The following DPP6 variants were observed in gnomAD, a reference collection of about 807,000 sequenced individuals.
The protein encoded by DPP6 is dipeptidyl peptidase like 6.
A neutral mutation model predicts 122.6 loss-of-function variants in DPP6; 69 were observed. The ratio of observed to expected loss-of-function variants is 0.56; its 90% CI spans 0.46 to 0.69. DPP6 has a LOEUF of 0.69. DPP6 is among the 30% of genes least tolerant of loss of function. The pLI is 0.00. For synonymous variants in DPP6, 418 were observed against 433.1 expected (o/e 0.97, Z 0.43); for missense variants, 928 against 1,116.9 (o/e 0.83, Z 2.41).
chr7:154,137,078 A>G (rs3115125), intron 1 of DPP6, among the ~76,000 whole-genome samples: 38 of 152,154 alleles, frequency 2.5e-4, no homozygotes, highest in Non-Finnish European at 5.0e-4. Context: ...GCCCTTCCCT[A>G]TACCTTTTTG....
chr7:154,532,673 A>G (rs1304965225), intron 3 of DPP6, among the ~76,000 whole-genome samples: 1 of 152,102 alleles, frequency 6.6e-6, no homozygotes, highest in Non-Finnish European at 1.5e-5. Context: ...CTACTAAAGC[A>G]TAACCTGTTA....
chr7:154,334,253 A>T (rs1278578495), intron 1 of DPP6, among the ~76,000 whole-genome samples: 1 of 151,992 alleles, frequency 6.6e-6, no homozygotes, highest in Non-Finnish European at 1.5e-5. Flanking sequence ...ATCCCTAAGG[A>T]TGCCGGCTGC....
chr7:153,783,090 C>T, the DPP6 span, among the ~76,000 whole-genome samples: 41 of 152,222 alleles, frequency 2.7e-4, no homozygotes, highest in South Asian at 1.7e-3. Flanking sequence ...GGGAAACTGA[C>T]GAGACCTTTA....
At chr7:154,767,952 G>A (rs1291994780) in intron 8 of DPP6, among the ~76,000 whole-genome samples, 1 of 152,212 alleles carries the variant, frequency 6.6e-6, no homozygotes, top group African/African-American at 2.4e-5. Context: ...AGGGGAGCGA[G>A]GCTCAATGAG....
chr7:154,495,589 C>T (rs1824665757), intron 3 of DPP6, among the ~76,000 whole-genome samples: 1 of 152,110 alleles, frequency 6.6e-6, no homozygotes, highest in African/African-American at 2.4e-5. Flanking sequence ...TGGATTTCCC[C>T]ATGTTGGCCA....
chr7:154,511,855 A>T (rs1826116332), intron 3 of DPP6, among the ~76,000 whole-genome samples: 1 of 152,186 alleles, frequency 6.6e-6, no homozygotes, highest in Non-Finnish European at 1.5e-5. Context: ...TTAGTTGGTG[A>T]TATACTTTTT....
At chr7:153,884,048 A>C (rs1199282051), upstream of DPP6, among the ~76,000 whole-genome samples, 1 of 152,128 alleles carries the variant, frequency 6.6e-6, no homozygotes, top group Non-Finnish European at 1.5e-5. Context: ...TCTAGGGTAC[A>C]TGTGCACAAC....
intron 1 of DPP6, among the ~76,000 whole-genome samples, chr7:153,999,887 G>A (rs1797607235): frequency 1.3e-5 from 2 of 152,074 alleles, no homozygotes; most frequent in South Asian, 4.1e-4. Flanking sequence ...TGAGCCCGGG[G>A]AGGGGGAGGT....
chr7:154,004,934 T>C (rs1359875168), intron 1 of DPP6, among the ~76,000 whole-genome samples: 1 of 152,170 alleles, frequency 6.6e-6, no homozygotes, highest in Non-Finnish European at 1.5e-5. Flanking sequence ...TAATAGTTGT[T>C]AATGGTTTTA....
At chr7:154,608,115 G>A (rs1169789053) in intron 5 of DPP6, among the ~76,000 whole-genome samples, 1 of 148,500 alleles carries the variant, frequency 6.7e-6, no homozygotes, top group Admixed American at 6.8e-5. Flanking sequence ...AAGTAGCTGG[G>A]ATTACAGGCA....
upstream of DPP6, chr7:154,052,316 C>G (rs1800399693): frequency 6.5e-6 from 1 of 152,906 alleles, no homozygotes; most frequent in African/African-American, 2.4e-5. This position sits in a 1 kb window ranked among gnomAD's most constrained non-coding sequence, Gnocchi z 4.8. Context: ...GGGGAGGAGG[C>G]CGGTGGGGAA....
intron 6 of DPP6, among the ~76,000 whole-genome samples, chr7:154,662,136 A>T (rs1453601016): frequency 4.7e-5 from 7 of 150,512 alleles, no homozygotes; most frequent in African/African-American, 1.7e-4. Flanking sequence ...TCATATAGTC[A>T]TGGTGAATCA....
chr7:154,707,760 C>T (rs1176746818), intron 7 of DPP6, among the ~76,000 whole-genome samples: 1 of 152,174 alleles, frequency 6.6e-6, no homozygotes, highest in East Asian at 1.9e-4. Context: ...CTCACAGTTC[C>T]TCGTGGCTGA....
intron 1 of DPP6, among the ~76,000 whole-genome samples, chr7:154,294,974 A>C (rs1321826485): frequency 6.6e-6 from 1 of 152,180 alleles, no homozygotes; most frequent in Non-Finnish European, 1.5e-5. Flanking sequence ...TGGTGGCAGG[A>C]GGTGACCGAG....
At chr7:154,849,509 G>A (rs540051497) in intron 16 of DPP6, among the ~76,000 whole-genome samples, 9 of 152,270 alleles carry the variant, frequency 5.9e-5, no homozygotes, top group African/African-American at 2.2e-4. Context: ...TGATTTTTGT[G>A]TTGCATTGTG....
intron 1 of DPP6, among the ~76,000 whole-genome samples, chr7:154,260,838 T>C (rs1802970846): frequency 6.6e-6 from 1 of 151,694 alleles, no homozygotes; most frequent in Admixed American, 6.6e-5. Flanking sequence ...ATTTTCTTCT[T>C]GGTAAATACC....
intron 3 of DPP6, among the ~76,000 whole-genome samples, chr7:154,476,426 C>A (rs1021083445): frequency 6.6e-6 from 1 of 152,222 alleles, no homozygotes; most frequent in Non-Finnish European, 1.5e-5. Context: ...ACACCCGCTG[C>A]ATCAGCAAAT....
chr7:153,988,774 TCG>T (rs531989862), intron 1 of DPP6, among the ~76,000 whole-genome samples: 168 of 152,222 alleles, frequency 1.1e-3, no homozygotes, highest in African/African-American at 3.7e-3. Flanking sequence ...CAGCAGTGAG[TCG>T]GAGGAATAAA....
chr7:153,776,370 C>T, the DPP6 span, among the ~76,000 whole-genome samples: 4 of 152,086 alleles, frequency 2.6e-5, no homozygotes, highest in East Asian at 7.7e-4. Context: ...CCTCCTGAGG[C>T]GTGATGGTTT....
Sources: gnomAD v4.1 joint callset for allele counts (sites outside exome capture counted in the v4.1 genomes callset) on GRCh38, gnomAD v4.1.1 for gene constraint, Gnocchi (gnomAD v3.1) non-coding constraint, MANE v1.5 for transcripts, NCBI Gene and HGNC (gene_info 2026-07-23, HGNC 2026-07-21) for gene names.